Variants in KRAS observed in about 807,000 individuals in gnomAD.
KRAS encodes KRas proto-oncogene, GTPase.
A neutral mutation model predicts 21.0 loss-of-function variants in KRAS; 1 was observed. The observed-to-expected ratio is 0.05, with a 90% CI of 0.02 to 0.23. The LOEUF is 0.23. Ranked by LOEUF, KRAS falls within the 10% of genes least tolerant of loss-of-function variation. The pLI, the probability that KRAS is intolerant of heterozygous loss-of-function variation, is 1.00. For missense variants in KRAS, 107 were observed against 221.8 expected (o/e 0.48, Z 3.29); for synonymous variants, 67 against 72.5 (o/e 0.92, Z 0.39).
chr12:25,217,796 A>T (rs1951272432), intron 4 of KRAS, among the ~76,000 whole-genome samples: 1 of 152,172 alleles, frequency 6.6e-6, no homozygotes. Context: ...CAAAAGGCTG[A>T]GGCAGGAGGG....
In KRAS at chr12:25,231,966, GTCA is replaced by G. The variant is rs61761157; in HGVS notation, c.112-4557_112-4555del. Among the ~76,000 whole-genome samples, 334 of 152,170 alleles carry G rather than the reference GTCA, an allele frequency of 2.2e-3. 1 individual carries two copies. Among genetic ancestry groups the G allele is most frequent in the African/African-American group, 7.9e-3 (326 of 41,502 alleles). On this transcript the variant is annotated intron_variant, in intron 2 of 4. Coordinates refer to ENST00000311936, the MANE Select transcript of KRAS (RefSeq NM_004985.5). ...ACTTCAGGTCAGGCCATAAGAAACA[GTCA>G]TCCCTGGTATACACACGGCATTGGT... is the stretch of plus-strand genomic sequence containing the variant.
intron 2 of KRAS, among the ~76,000 whole-genome samples, chr12:25,236,884 T>C (rs1028043967): frequency 2.0e-5 from 3 of 152,102 alleles, no homozygotes; most frequent in African/African-American, 4.8e-5. Context: ...CCAGCAACTG[T>C]ACCTTAGATA....
At chr12:25,217,807 T>A (rs939908488) in intron 4 of KRAS, among the ~76,000 whole-genome samples, 25 of 151,986 alleles carry the variant, frequency 1.6e-4, no homozygotes, top group African/African-American at 5.6e-4. Flanking sequence ...GGCAGGAGGG[T>A]TGCCTGGGCC....
chr12:25,242,662 C>G (rs1192580537), intron 2 of KRAS, among the ~76,000 whole-genome samples: 1 of 152,180 alleles, frequency 6.6e-6, no homozygotes, highest in African/African-American at 2.4e-5. Context: ...ACCTCTGCCA[C>G]TAAGTTGCCA....
chr12:25,224,031 G>A (rs1243014963), intron 4 of KRAS, among the ~76,000 whole-genome samples: 1 of 151,898 alleles, frequency 6.6e-6, no homozygotes, highest in African/African-American at 2.4e-5. Context: ...AGTTCCTATT[G>A]CTTAGTGATG....
chr12:25,223,997 CATAAGATT>C (rs1367696225), intron 4 of KRAS, among the ~76,000 whole-genome samples: 1 of 151,814 alleles, frequency 6.6e-6, no homozygotes, highest in African/African-American at 2.4e-5. Context: ...ATAGTGGTCC[CATAAGATT>C]ATAATGGAGT....
At chr12:25,215,351 TA>T in intron 4 of KRAS, 1 of 1,563,634 alleles carries the variant, frequency 6.4e-7, no homozygotes, top group Non-Finnish European at 8.8e-7. Flanking sequence ...ATACTACACC[TA>T]AGTAGTTCTA....
intron 4 of KRAS, chr12:25,225,284 C>CTTTATTTT (rs1177789436): frequency 6.2e-4 from 4 of 6,442 alleles, no homozygotes; most frequent in South Asian, 4.8e-3. Context: ...TTGCCCTGTT[C>CTTTATTTT]TTTATATATA....
chr12:25,248,719 G>GGGAT (rs1259639149), intron 1 of KRAS, among the ~76,000 whole-genome samples: 1 of 151,958 alleles, frequency 6.6e-6, no homozygotes, highest in Non-Finnish European at 1.5e-5. Context: ...GGGCTGGGAG[G>GGGAT]GGATCCCTCA....
At chr12:25,243,783 T>C (rs1168832667) in intron 2 of KRAS, among the ~76,000 whole-genome samples, 1 of 152,200 alleles carries the variant, frequency 6.6e-6, no homozygotes, top group African/African-American at 2.4e-5. Context: ...GAATTTGCAA[T>C]ACAGATTAAA....
intron 2 of KRAS, among the ~76,000 whole-genome samples, chr12:25,244,270 T>C (rs936510092): frequency 6.6e-6 from 1 of 152,178 alleles, no homozygotes; most frequent in Non-Finnish European, 1.5e-5. Context: ...ACACTAGATG[T>C]AGAATAAATG....
chr12:25,209,761 C>T lies in KRAS; in HGVS notation c.*34G>A. On this transcript the variant is annotated 3_prime_UTR_variant, in exon 5 of 5. Transcript: ENST00000311936. Reference sequence around the variant, plus strand: ...TAATGTACAAAAATTACCACTTGTACTAGTATGCCTTAAGAAAAAAGTACA... The same window carrying T: ...TAATGTACAAAAATTACCACTTGTATTAGTATGCCTTAAGAAAAAAGTACA... The T allele has an allele frequency of 6.2e-7, 1 of 1,601,518 alleles. No individual in the cohort carries two copies. Among genetic ancestry groups the T allele is most frequent in the South Asian group, 1.1e-5 (1 of 89,680 alleles).
At chr12:25,241,994 G>A (rs1329703697) in intron 2 of KRAS, among the ~76,000 whole-genome samples, 1 of 151,738 alleles carries the variant, frequency 6.6e-6, no homozygotes, top group Admixed American at 6.6e-5. Context: ...TACTTCATTC[G>A]TAGGTAAAAT....
chr12:25,227,350 T>C lies in KRAS; in HGVS notation c.174A>G (p.Thr58=), dbSNP rs1439952973. ...TTGCACTGTACTCCTCTTGACCTGC[T>C]GTGTCGAGAATATCCAAGAGACAGG... The part of the protein sequence containing the change: ...GETCLLDILD[T]AGQEEYSAMR... Residue 58 remains threonine, a synonymous_variant, in exon 3 of 5, where the codon ACA becomes ACG. Coordinates refer to ENST00000311936, the MANE Select transcript of KRAS (RefSeq NM_004985.5). 5.0e-6 allele frequency: 8 copies of C among 1,613,972 alleles called. No individual in the cohort carries two copies. Among genetic ancestry groups the C allele is most frequent in the Non-Finnish European group, 3.4e-6 (4 of 1,179,972 alleles).
chr12:25,215,626 C>T, intron 4 of KRAS: 1 of 1,347,234 alleles, frequency 7.4e-7, no homozygotes. Flanking sequence ...CTGGGAAAGC[C>T]ATGTGCAAGA....
chr12:25,231,039 A>G (rs775680085), intron 2 of KRAS, among the ~76,000 whole-genome samples: 22 of 150,990 alleles, frequency 1.5e-4, no homozygotes, highest in Middle Eastern at 3.2e-3. Flanking sequence ...ATGGCTACAG[A>G]GCATGTAAAG....
chr12:25,209,988 GA>G, intron 4 of KRAS, 77 bp from the exon 5 acceptor site: 1 of 1,033,822 alleles, frequency 9.7e-7, no homozygotes. Flanking sequence ...TTCATTAATG[GA>G]AAAAATATTA....
intron 2 of KRAS, among the ~76,000 whole-genome samples, chr12:25,235,924 C>T (rs1951539076): frequency 6.6e-6 from 1 of 152,118 alleles, no homozygotes; most frequent in East Asian, 1.9e-4. Flanking sequence ...CAACCTAGAT[C>T]CTTGCATGGG....
At chr12:25,226,569 G>A (rs1298249536) in intron 3 of KRAS, among the ~76,000 whole-genome samples, 1 of 152,080 alleles carries the variant, frequency 6.6e-6, no homozygotes, top group East Asian at 1.9e-4. Flanking sequence ...CTGTAACAAT[G>A]TTCTTAAATA....
Sources: allele counts gnomAD v4.1 joint callset (sites outside exome capture counted in the v4.1 genomes callset), GRCh38; gene constraint gnomAD v4.1.1; transcripts MANE v1.5; gene names NCBI Gene and HGNC (gene_info 2026-07-23, HGNC 2026-07-21).